NUDT5: variants seen among roughly 807,000 people sequenced by gnomAD.
NUDT5 encodes nudix hydrolase 5.
A neutral mutation model predicts 34.1 loss-of-function variants in NUDT5; 21 were observed. The observed-to-expected ratio is 0.62, with a 90% CI of 0.44 to 0.89. NUDT5 has a LOEUF of 0.89. NUDT5 is among the 40% of genes least tolerant of loss of function. The pLI, the probability that NUDT5 is intolerant of heterozygous loss-of-function variation, is 0.00. For synonymous variants in NUDT5, 85 were observed against 97.6 expected (o/e 0.87, Z 0.76); for missense variants, 249 against 274.8 (o/e 0.91, Z 0.66).
intron 5 of NUDT5, among the ~76,000 whole-genome samples, chr10:12,177,511 TCC>T (rs1348436382): frequency 1.3e-5 from 2 of 152,102 alleles, no homozygotes; most frequent in African/African-American, 2.4e-5. Context: ...AGAGCGAGAC[TCC>T]GTCTCACAAA....
At position 12,170,421 on chromosome 10, in the gene NUDT5, A is replaced by C; in HGVS notation, c.550+296T>G. 1.6e-6 allele frequency: 1 copy of C among 618,782 alleles called. No homozygotes were observed. The highest frequency in any genetic ancestry group is 2.0e-5 in the South Asian group (1 of 49,744). 38.3% of individuals were successfully genotyped at this position (618,782 alleles called of 1,614,324 possible). Reference sequence around the variant, plus strand: ...TTGCATTGCTATGGACTGAAGGTTTAAAGTGTAGAATCGTTTTGGCTACTC... The same window carrying C: ...TTGCATTGCTATGGACTGAAGGTTTCAAGTGTAGAATCGTTTTGGCTACTC... On this transcript the variant is annotated intron_variant, in intron 9 of 9. Transcript: ENST00000491614. This position sits in a 1 kb window ranked among gnomAD's most constrained non-coding sequence, Gnocchi z 4.9.
In NUDT5 at chr10:12,166,914, G is replaced by A. The variant is rs1166701623; in HGVS notation, c.*788C>T. Reference sequence around the variant, plus strand: ...GTTTCAGGTACTGGCTGATCTTGCTGGTTCTGTTCATGGTTTAACATCAAG... The same window carrying A: ...GTTTCAGGTACTGGCTGATCTTGCTAGTTCTGTTCATGGTTTAACATCAAG... On this transcript the variant is annotated 3_prime_UTR_variant, in exon 10 of 10. Coordinates refer to ENST00000491614, the MANE Select transcript of NUDT5 (RefSeq NM_014142.4). 3 of 314,332 alleles carry A rather than the reference G, an allele frequency of 9.5e-6. No individual in the cohort carries two copies. Among genetic ancestry groups the A allele is most frequent in the Middle Eastern group, 4.1e-4 (1 of 2,426 alleles). 19.5% of individuals were successfully genotyped at this position (314,332 alleles called of 1,614,324 possible).
rs1834790645 is a variant in NUDT5, at chr10:12,169,225, T to A, written c.551-1414A>T. 6.9e-7 allele frequency: 1 copy of A among 1,447,470 alleles called. No homozygotes were observed. 89.7% of individuals were successfully genotyped at this position (1,447,470 alleles called of 1,614,324 possible). ...ATAGTAGCCCTCTCTCCACCTCCCCTCACTTATTCTATTTTTTTCTCCCTT... is the reference window on the plus strand; with the variant it reads ...ATAGTAGCCCTCTCTCCACCTCCCCACACTTATTCTATTTTTTTCTCCCTT... On this transcript the variant is annotated intron_variant, in intron 9 of 9. Coordinates refer to ENST00000491614, the MANE Select transcript of NUDT5 (RefSeq NM_014142.4). The surrounding 1 kb of genome is among the most constrained non-coding windows in gnomAD (Gnocchi z 4.8).
rs751355003 is a variant in NUDT5, at chr10:12,166,715, C to T, written c.*987G>A. On this transcript the variant is annotated 3_prime_UTR_variant, in exon 10 of 10. Coordinates refer to ENST00000491614, the MANE Select transcript of NUDT5 (RefSeq NM_014142.4). ...TTCCGTGGGGGCCAGACTGGAAAGT[C>T]CTGGAAAATCATGGAGCTGCTGGAG... The T allele has an allele frequency of 3.5e-5, 18 of 510,134 alleles. No homozygotes were observed. Among genetic ancestry groups the T allele is most frequent in the African/African-American group, 3.3e-4 (17 of 51,404 alleles). The allele number at this position is 510,134 out of a possible 1,614,324, so 31.6% of individuals were successfully genotyped here. A position where few individuals can be genotyped will look rare whatever the true frequency, so the allele number is the denominator to read the frequency against.
In NUDT5 at chr10:12,169,851, G is replaced by A. The variant is rs949526799; in HGVS notation, c.550+866C>T. 24 of 358,466 alleles carry A rather than the reference G, an allele frequency of 6.7e-5. No individual in the cohort carries two copies. The highest frequency in any genetic ancestry group is 6.2e-4 in the East Asian group (14 of 22,706). 22.2% of individuals were successfully genotyped at this position (358,466 alleles called of 1,614,324 possible). A position where few individuals can be genotyped will look rare whatever the true frequency, so the allele number is the denominator to read the frequency against. On this transcript the variant is annotated intron_variant, in intron 9 of 9. Coordinates refer to ENST00000491614, the MANE Select transcript of NUDT5 (RefSeq NM_014142.4). The surrounding 1 kb of genome is among the most constrained non-coding windows in gnomAD (Gnocchi z 4.8). ...TAAGAAACTGGTCTTAAAGCTTCAGGCCAAACAATGCTTCAAATCACATTT... is the reference window on the plus strand; with the variant it reads ...TAAGAAACTGGTCTTAAAGCTTCAGACCAAACAATGCTTCAAATCACATTT...
chr10:12,183,803 A>C (rs1835082029), intron 3 of NUDT5, among the ~76,000 whole-genome samples: 1 of 152,208 alleles, frequency 6.6e-6, no homozygotes, highest in African/African-American at 2.4e-5. Flanking sequence ...GCAGAGTTTG[A>C]AAAGCATATA....
chr10:12,195,069 A>C (rs1373740288), intron 1 of NUDT5, among the ~76,000 whole-genome samples: 2 of 152,204 alleles, frequency 1.3e-5, no homozygotes, highest in Non-Finnish European at 2.9e-5. Flanking sequence ...CTAAGGCAGG[A>C]GAATCACTTA....
At chr10:12,184,572 C>G in intron 3 of NUDT5, 1 of 1,479,342 alleles carries the variant, frequency 6.8e-7, no homozygotes, top group Admixed American at 2.0e-5. Context: ...TAGAAGGAAG[C>G]AACATGTACT....
intron 1 of NUDT5, among the ~76,000 whole-genome samples, chr10:12,189,442 T>C (rs897695726): frequency 6.6e-6 from 1 of 152,136 alleles, no homozygotes; most frequent in African/African-American, 2.4e-5. Context: ...GCAATCAGCC[T>C]CAAAGGGAAA....
rs1052473312 is a variant in NUDT5, at chr10:12,169,362, C to A, written c.550+1355G>T. On this transcript the variant is annotated intron_variant, in intron 9 of 9. Transcript: ENST00000491614. This position sits in a 1 kb window ranked among gnomAD's most constrained non-coding sequence, Gnocchi z 4.8. ...CCGCACGGCATTTCACACTTGCCTA[C>A]GTCACCCTGCTTTCCACGCACCTCC... 5 of 1,414,042 alleles carry A rather than the reference C, an allele frequency of 3.5e-6. No homozygotes were observed. Among genetic ancestry groups the A allele is most frequent in the Non-Finnish European group, 3.9e-6 (4 of 1,030,644 alleles). The allele number at this position is 1,414,042 out of a possible 1,614,324, so 87.6% of individuals were successfully genotyped here.
intron 5 of NUDT5, among the ~76,000 whole-genome samples, chr10:12,177,214 GC>G (rs1834964678): frequency 6.6e-6 from 1 of 152,028 alleles, no homozygotes; most frequent in Admixed American, 6.6e-5. Context: ...AAGGGGAAGG[GC>G]AATTACTCAA....
intron 5 of NUDT5, among the ~76,000 whole-genome samples, chr10:12,176,690 A>C (rs1055283363): frequency 2.6e-5 from 4 of 152,266 alleles, no homozygotes; most frequent in African/African-American, 9.6e-5. Flanking sequence ...AAAGTCCTAC[A>C]ATAATATAGG....
rs775056736 is a variant in NUDT5, at chr10:12,178,981, A to G, written c.181+102T>C. The stretch of plus-strand genomic sequence containing the variant: ...AAAACCTAAGCGGAGATTTAAAGAC[A>G]CAACATCCTAATAGAAGTTAACTTG... On this transcript the variant is annotated intron_variant, in intron 4 of 9. Transcript: ENST00000491614. The G allele has an allele frequency of 3.1e-6, 3 of 973,204 alleles. No homozygotes were observed. In the African/African-American group the frequency reaches 4.9e-5, roughly 16 times the overall value. 60.3% of individuals were successfully genotyped at this position (973,204 alleles called of 1,614,324 possible).
chr10:12,194,767 G>GA (rs1264936695), intron 1 of NUDT5, among the ~76,000 whole-genome samples: 1 of 152,218 alleles, frequency 6.6e-6, no homozygotes, highest in Non-Finnish European at 1.5e-5. Context: ...CTACTTAGGT[G>GA]AACCAGGAAG....
In NUDT5 at chr10:12,171,824, A is replaced by C. The variant is rs1031976958; in HGVS notation, c.488-916T>G. ...ACTGCAACCTCCGCCTCCTGGGTTC[A>C]AGTGATTCTTGTGTCTCAGCTTCCC... On this transcript the variant is annotated intron_variant, in intron 7 of 9. Coordinates refer to ENST00000491614, the MANE Select transcript of NUDT5 (RefSeq NM_014142.4). The surrounding 1 kb of genome is among the most constrained non-coding windows in gnomAD (Gnocchi z 4.2). 9.9e-5 allele frequency among the ~76,000 whole-genome samples: 15 copies of C among 151,806 alleles called. No individual in the cohort carries two copies. The highest frequency in any genetic ancestry group is 3.3e-4 in the Admixed American group (5 of 15,216).
Position 12,171,849 on chromosome 10 carries a change from C to T in NUDT5, c.487+916G>A, listed in dbSNP as rs1024846765. Reference sequence around the variant, plus strand: ...AAGTGATTCTTGTGTCTCAGCTTCCCGAGTAGCTGGGATTACAGGTGCGCA... The same window carrying T: ...AAGTGATTCTTGTGTCTCAGCTTCCTGAGTAGCTGGGATTACAGGTGCGCA... On this transcript the variant is annotated intron_variant, in intron 7 of 9. Coordinates refer to ENST00000491614, the MANE Select transcript of NUDT5 (RefSeq NM_014142.4). This position sits in a 1 kb window ranked among gnomAD's most constrained non-coding sequence, Gnocchi z 4.2. 7.3e-5 allele frequency among the ~76,000 whole-genome samples: 11 copies of T among 151,700 alleles called. No homozygotes were observed. Among genetic ancestry groups the T allele is most frequent in the Non-Finnish European group, 1.6e-4 (11 of 67,934 alleles).
intron 1 of NUDT5, among the ~76,000 whole-genome samples, chr10:12,193,132 C>T (rs954562093): frequency 2.6e-5 from 4 of 152,048 alleles, no homozygotes; most frequent in Admixed American, 6.5e-5. Context: ...TGGTTACAGA[C>T]GTATAGTAAC....
At chr10:12,167,958 T>C in intron 9 of NUDT5, 147 bp from the exon 10 acceptor site, 1 of 1,383,004 alleles carries the variant, frequency 7.2e-7, no homozygotes, top group South Asian at 1.6e-5. Flanking sequence ...TCTATAAGGA[T>C]CTTAAAGAAT....
At position 12,172,787 on chromosome 10, in the gene NUDT5, G is replaced by A. The variant is rs150716044; in HGVS notation, c.465C>T (p.Asn155=). ...TACCTGGCTTTGGCTTCGGCCTTGC[G>A]TTTTCGGCATCATCTCCGTTAATGG... ...TVTINGDDAE[N]ARPKPKPGDG... Residue 155 remains asparagine (N), a synonymous_variant, in exon 7 of 10, where the codon AAC becomes AAT. Coordinates refer to ENST00000491614, the MANE Select transcript of NUDT5 (RefSeq NM_014142.4). 8.0e-5 allele frequency: 129 copies of A among 1,614,074 alleles called. No individual in the cohort carries two copies. In the African/African-American group the frequency reaches 1.0e-3, roughly 13 times the overall value.
Sources: allele counts gnomAD v4.1 joint callset (sites outside exome capture counted in the v4.1 genomes callset), GRCh38; gene constraint gnomAD v4.1.1; non-coding constraint Gnocchi (gnomAD v3.1); transcripts MANE v1.5; gene names NCBI Gene and HGNC (gene_info 2026-07-23, HGNC 2026-07-21).